The following CHODL variants were observed in gnomAD, a reference collection of about 807,000 sequenced individuals.
CHODL encodes transmembrane protein MT75.
CHODL carries 29 observed loss-of-function variants against 34.5 expected under a neutral mutation model. That is an observed-to-expected ratio of 0.84 (90% CI 0.63 to 1.15). The LOEUF (loss-of-function observed/expected upper bound fraction) is 1.15. Ranked by LOEUF, CHODL falls within the 50% of genes most tolerant of loss-of-function variation. The pLI, the probability that CHODL is intolerant of heterozygous loss-of-function variation, is 0.00. For synonymous variants in CHODL, 125 were observed against 116.1 expected, an observed-to-expected ratio of 1.08 and a Z score of -0.49; for missense variants, 332 against 332.5, an observed-to-expected ratio of 1.00 and a Z score of 0.01.
chr21:18,178,386 A>G (rs1243499302), intron 2 of CHODL, among the ~76,000 whole-genome samples: 2 of 152,084 alleles, frequency 1.3e-5, no homozygotes, highest in African/African-American at 2.4e-5. Context: ...ATCACAATTC[A>G]TATCACACTC....
At chr21:18,201,822 T>TTTTTG (rs2073655895) in intron 2 of CHODL, among the ~76,000 whole-genome samples, 1 of 149,056 alleles carries the variant, frequency 6.7e-6, no homozygotes, top group Non-Finnish European at 1.5e-5. Context: ...TTTTTTTTTT[T>TTTTTG]GAGAGGGAGT....
intron 1 of CHODL, among the ~76,000 whole-genome samples, chr21:17,977,918 C>CAAAAAAAAAAAA (rs57837589): frequency 1.3e-4 from 9 of 68,980 alleles, no homozygotes; most frequent in East Asian, 4.5e-4. Context: ...ACTCCCATCT[C>CAAAAAAAAAAAA]AAAAAAAAAA....
intron 2 of CHODL, among the ~76,000 whole-genome samples, chr21:18,212,058 A>G (rs1039632005): frequency 6.6e-6 from 1 of 152,130 alleles, no homozygotes; most frequent in Non-Finnish European, 1.5e-5. Context: ...GCAGTAATTA[A>G]TTTTGCTTTG....
At chr21:18,113,098 A>G (rs1395629154) in intron 2 of CHODL, among the ~76,000 whole-genome samples, 2 of 152,186 alleles carry the variant, frequency 1.3e-5, no homozygotes, top group Non-Finnish European at 2.9e-5. Flanking sequence ...TGATCAACCA[A>G]TGGGCAAAAA....
chr21:18,168,247 C>A (rs2073182096), intron 2 of CHODL, among the ~76,000 whole-genome samples: 1 of 152,148 alleles, frequency 6.6e-6, no homozygotes, highest in African/African-American at 2.4e-5. Flanking sequence ...ACCTTGTGAT[C>A]GTGTGAGTCA....
At chr21:18,175,558 A>G (rs2073296765) in intron 2 of CHODL, among the ~76,000 whole-genome samples, 1 of 151,014 alleles carries the variant, frequency 6.6e-6, no homozygotes, top group Non-Finnish European at 1.5e-5. Context: ...GCGCCATTGC[A>G]CTCCAGCCCG....
At chr21:18,107,123 G>T (rs561471704) in intron 2 of CHODL, among the ~76,000 whole-genome samples, 70 of 152,280 alleles carry the variant, frequency 4.6e-4, no homozygotes, top group African/African-American at 1.6e-3. Context: ...AAGAAATAGG[G>T]GTAATGAGTT....
rs149636260 is a variant in CHODL, at chr21:17,942,415, G to T, written c.-145+25015G>T. 5.0e-3 allele frequency among the ~76,000 whole-genome samples: 754 copies of T among 152,242 alleles called. 5 individuals carry two copies. The highest frequency in any genetic ancestry group is 8.8e-3 in the Non-Finnish European group (597 of 68,022). ...TATAAAGGGGAGTTTCCCTGCACAA[G>T]CTCTCTTGTTTGCTGCCATGTGAGA... On this transcript the variant is annotated intron_variant, in intron 1 of 6. Coordinates refer to the CHODL transcript ENST00000400127.
At chr21:18,201,966 G>A (rs957539255) in intron 2 of CHODL, among the ~76,000 whole-genome samples, 3 of 151,780 alleles carry the variant, frequency 2.0e-5, no homozygotes, top group South Asian at 2.1e-4. Flanking sequence ...CACCACACTC[G>A]ACTAATTTTT....
intron 3 of CHODL, 45 bp from the exon 4 acceptor site, chr21:18,260,155 T>C: frequency 1.2e-6 from 1 of 846,300 alleles, no homozygotes; most frequent in African/African-American, 1.8e-5. Context: ...TTTTCAATTC[T>C]CTTGTTTAAT....
At chr21:18,013,608 C>T (rs2064039766) in intron 1 of CHODL, among the ~76,000 whole-genome samples, 1 of 137,402 alleles carries the variant, frequency 7.3e-6, no homozygotes, top group Non-Finnish European at 1.5e-5. Context: ...ACAAATATTA[C>T]AGATCATTGA....
intron 2 of CHODL, among the ~76,000 whole-genome samples, chr21:18,218,547 C>T (rs766848488): frequency 6.6e-5 from 10 of 152,134 alleles, no homozygotes; most frequent in Non-Finnish European, 1.3e-4. Flanking sequence ...CCTGACATAC[C>T]CTGGAGACAT....
intron 1 of CHODL, among the ~76,000 whole-genome samples, chr21:17,971,743 A>G (rs141458310): frequency 0.035 from 5,341 of 152,230 alleles, 130 homozygotes; most frequent in South Asian, 0.096. Context: ...AGCTGGTACC[A>G]TTCCTTCTGA....
chr21:18,087,489 A>G (rs1303865334), intron 2 of CHODL, among the ~76,000 whole-genome samples: 1 of 152,118 alleles, frequency 6.6e-6, no homozygotes, highest in Admixed American at 6.5e-5. Flanking sequence ...AATGTAGTCC[A>G]TTTGCATCTC....
At chr21:18,189,556 G>A (rs2073486056) in intron 2 of CHODL, among the ~76,000 whole-genome samples, 1 of 151,328 alleles carries the variant, frequency 6.6e-6, no homozygotes, top group Admixed American at 6.6e-5. Flanking sequence ...ATGAGATAAT[G>A]TCAGCCTGTC....
intron 4 of CHODL, 152 bp downstream of exon 4, chr21:18,260,438 A>G: frequency 2.0e-6 from 1 of 511,636 alleles, no homozygotes; most frequent in Non-Finnish European, 3.5e-6. Flanking sequence ...AGGTTAGAAA[A>G]AATTATGCTA....
At chr21:18,146,640 C>T (rs953914059) in intron 2 of CHODL, among the ~76,000 whole-genome samples, 9 of 152,140 alleles carry the variant, frequency 5.9e-5, no homozygotes, top group Admixed American at 4.6e-4. Context: ...AAACTTCTTC[C>T]CTTTATAAAT....
intron 2 of CHODL, among the ~76,000 whole-genome samples, chr21:18,041,914 G>A (rs2064380602): frequency 2.0e-5 from 3 of 151,912 alleles, no homozygotes; most frequent in Non-Finnish European, 2.9e-5. Flanking sequence ...ATAACTATAT[G>A]AGAAAGCGTT....
chr21:18,041,890 A>T (rs1012348743), intron 2 of CHODL, among the ~76,000 whole-genome samples: 1 of 151,906 alleles, frequency 6.6e-6, no homozygotes, highest in Non-Finnish European at 1.5e-5. Flanking sequence ...AAATTGATCC[A>T]CTAGAGATTA....
Sources: allele counts gnomAD v4.1 joint callset (sites outside exome capture counted in the v4.1 genomes callset), GRCh38; gene constraint gnomAD v4.1.1; transcripts MANE v1.5; gene names NCBI Gene and HGNC (gene_info 2026-07-23, HGNC 2026-07-21).